UACA: variants seen among roughly 807,000 people sequenced by gnomAD.
UACA encodes the protein uveal autoantigen with coiled-coil domains and ankyrin repeats, also known as nuclear membrane binding protein.
In UACA, 112 loss-of-function variants were observed where a neutral mutation model predicts 160.5. That is an observed-to-expected ratio of 0.70 (90% CI 0.60 to 0.82). The LOEUF (loss-of-function observed/expected upper bound fraction) is 0.82. Among genes scored for constraint, UACA ranks in the 40% least tolerant of loss-of-function variants. The pLI is 0.00. For missense variants in UACA, 1,574 were observed against 1,614.6 expected (o/e 0.97, Z 0.43); for synonymous variants, 557 against 568.4 (o/e 0.98, Z 0.29).
At chr15:70,770,124 T>C in the UACA span, among the ~76,000 whole-genome samples, 1 of 152,224 alleles carries the variant, frequency 6.6e-6, no homozygotes, top group Non-Finnish European at 1.5e-5. Context: ...AAAGAACCAT[T>C]CCCTTCCCTT....
At chr15:70,746,318 G>A (rs1041668301) in intron 1 of UACA, among the ~76,000 whole-genome samples, 1 of 152,088 alleles carries the variant, frequency 6.6e-6, no homozygotes, top group African/African-American at 2.4e-5. Context: ...TCAAAAAGTG[G>A]GCAAAGGGTA....
Position 70,669,226 on chromosome 15 carries a change from C to T in UACA, c.1458G>A (p.Glu486=). ...ALALECERVK[E]DSDEQIKQLE... is the part of the protein sequence containing the mutation. ...ATTGCTTTATCTGTTCATCTGAATC[C>T]TCCTTGACCCTTTCACATTCTAATG... Residue 486 remains glutamate (E), a synonymous_variant, in exon 16 of 19, where the codon GAG becomes GAA. Coordinates refer to ENST00000322954, the MANE Select transcript of UACA (RefSeq NM_018003.4). The T allele has an allele frequency of 6.2e-7, 1 of 1,614,014 alleles. No individual in the cohort carries two copies. Among genetic ancestry groups the T allele is most frequent in the Admixed American group, 1.7e-5 (1 of 60,022 alleles).
At chr15:70,757,986 C>T (rs550474853) in intron 1 of UACA, among the ~76,000 whole-genome samples, 44 of 152,298 alleles carry the variant, frequency 2.9e-4, no homozygotes, top group Non-Finnish European at 1.9e-4. Context: ...TAAATGTTTT[C>T]CAAACTAAAT....
At chr15:70,670,129 C>A (rs1897083857) in intron 15 of UACA, among the ~76,000 whole-genome samples, 1 of 152,112 alleles carries the variant, frequency 6.6e-6, no homozygotes, top group Non-Finnish European at 1.5e-5. Flanking sequence ...CTGGTGACAG[C>A]GGCTTCCTGA....
chr15:70,771,020 C>T, the UACA span, among the ~76,000 whole-genome samples: 1 of 152,256 alleles, frequency 6.6e-6, no homozygotes, highest in African/African-American at 2.4e-5. Context: ...TAAACTCTTA[C>T]AGCCAGAGAG....
chr15:70,753,445 T>C (rs966039185), intron 1 of UACA, among the ~76,000 whole-genome samples: 3 of 152,220 alleles, frequency 2.0e-5, no homozygotes, highest in African/African-American at 7.2e-5. Flanking sequence ...TTTTTTTGTA[T>C]ATATGGCTTA....
intron 1 of UACA, among the ~76,000 whole-genome samples, chr15:70,752,153 G>A (rs533689634): frequency 6.6e-6 from 1 of 150,472 alleles, no homozygotes; most frequent in South Asian, 2.1e-4. Flanking sequence ...CAGGAGAATC[G>A]CTTGAACCCG....
intron 1 of UACA, among the ~76,000 whole-genome samples, chr15:70,702,673 A>C (rs1431416187): frequency 1.3e-5 from 2 of 152,212 alleles, no homozygotes; most frequent in Non-Finnish European, 2.9e-5. Context: ...ATTTTAAGCA[A>C]ACGTGTCACA....
In UACA at chr15:70,667,354, T is replaced by C. The variant is rs1291910130; in HGVS notation, c.3330A>G (p.Gln1110=). 1.2e-6 allele frequency: 2 copies of C among 1,612,476 alleles called. No homozygotes were observed. The highest frequency in any genetic ancestry group is 1.7e-6 in the Non-Finnish European group (2 of 1,179,892). ...ILAVQNLLQK[Q]HVPLEQVEAL... ...CCTCAACCTGTTCCAATGGAACATG[T>C]TGTTTTTGCAAAAGATTTTGCACTG... The change falls in exon 16 of 19, where the codon CAA becomes CAG. Residue 1110 remains glutamine (Q), a synonymous_variant. Transcript: ENST00000322954.
intron 1 of UACA, among the ~76,000 whole-genome samples, chr15:70,742,424 T>C (rs779823963): frequency 1.1e-4 from 17 of 152,332 alleles, no homozygotes; most frequent in Non-Finnish European, 2.2e-4. Flanking sequence ...CTGACATATT[T>C]AGTAATTACA....
chr15:70,682,808 G>A lies in UACA; in HGVS notation c.785-13C>T. ...CAAAGTTCTCTCCCTAAGATTTAGA[G>A]AAAAAGAGAAACAACAAAATGGCAG... On this transcript the variant is annotated splice_polypyrimidine_tract_variant and intron_variant, in intron 8 of 18. Coordinates refer to ENST00000322954, the MANE Select transcript of UACA (RefSeq NM_018003.4). 6.4e-7 allele frequency: 1 copy of A among 1,553,202 alleles called. No individual in the cohort carries two copies.
At chr15:70,689,415 G>T (rs2140947117) in intron 5 of UACA, among the ~76,000 whole-genome samples, 1 of 152,040 alleles carries the variant, frequency 6.6e-6, no homozygotes, top group Non-Finnish European at 1.5e-5. Context: ...AAAATATATG[G>T]TTAACTTACA....
chr15:70,688,551 G>T (rs1043240245), intron 5 of UACA, among the ~76,000 whole-genome samples: 11 of 151,970 alleles, frequency 7.2e-5, no homozygotes, highest in Admixed American at 7.2e-4. Context: ...TTCACTTTTC[G>T]TCTCTAATCC....
chr15:70,744,954 A>G (rs1899655906), intron 1 of UACA, among the ~76,000 whole-genome samples: 1 of 152,160 alleles, frequency 6.6e-6, no homozygotes, highest in African/African-American at 2.4e-5. Flanking sequence ...CATCAAATAC[A>G]CAAGTGTAAT....
chr15:70,740,530 G>A (rs556460815), intron 1 of UACA, among the ~76,000 whole-genome samples: 21 of 151,152 alleles, frequency 1.4e-4, no homozygotes, highest in African/African-American at 4.6e-4. Context: ...CCAGCTACAC[G>A]GGAGGCTGAG....
intron 1 of UACA, among the ~76,000 whole-genome samples, chr15:70,740,445 C>G (rs1332453373): frequency 2.6e-5 from 1 of 38,464 alleles, no homozygotes; most frequent in African/African-American, 1.1e-4. Context: ...GAGGCCTTGT[C>G]TCTATTAAAA....
At chr15:70,681,616 T>G (rs890976707) in intron 9 of UACA, 3 of 152,242 alleles carry the variant, frequency 2.0e-5, no homozygotes, top group Non-Finnish European at 4.4e-5. Flanking sequence ...GTGAGATGGC[T>G]AGTACAGTCA....
At position 70,763,335 on chromosome 15, in the gene UACA, T is replaced by C. The variant is rs1345563271; in HGVS notation, c.73A>G (p.Ser25Gly). ...GCCCGGACCGCGGGACTCACCGCGCTGGCGGCGGCGGCGCCAGACGACGCG... is the reference window on the plus strand; with the variant it reads ...GCCCGGACCGCGGGACTCACCGCGCCGGCGGCGGCGGCGCCAGACGACGCG... ...GPASSGAAAA[S>G]AHAADWNKYD... Residue 25 changes from serine to glycine, a missense_variant, in exon 1 of 19, where the codon AGC becomes GGC. Coordinates refer to ENST00000322954, the MANE Select transcript of UACA (RefSeq NM_018003.4). 8 of 1,333,706 alleles carry C rather than the reference T, an allele frequency of 6.0e-6. No individual in the cohort carries two copies. The South Asian group carries it at 1.6e-4, about 26-fold the overall frequency. The allele number at this position is 1,333,706 out of a possible 1,614,324, so 82.6% of individuals were successfully genotyped here. A position where few individuals can be genotyped will look rare whatever the true frequency, so the allele number is the denominator to read the frequency against.
chr15:70,674,731 G>A (rs1897255127), intron 13 of UACA, among the ~76,000 whole-genome samples: 1 of 152,022 alleles, frequency 6.6e-6, no homozygotes, highest in African/African-American at 2.4e-5. Context: ...CTGAGTAGCT[G>A]GTATTACAGG....
Sources: gnomAD v4.1 joint callset for allele counts (sites outside exome capture counted in the v4.1 genomes callset) on GRCh38, gnomAD v4.1.1 for gene constraint, MANE v1.5 for transcripts, NCBI Gene and HGNC (gene_info 2026-07-23, HGNC 2026-07-21) for gene names.